The following KLHL32 variants were observed in gnomAD, a reference collection of about 807,000 sequenced individuals.
KLHL32 encodes kelch-like protein 32.
In KLHL32, 35 loss-of-function variants were observed where a neutral mutation model predicts 64.8. That is an observed-to-expected ratio of 0.54 (90% confidence interval 0.41 to 0.72). The LOEUF (loss-of-function observed/expected upper bound fraction) is 0.72, where lower values mean the gene tolerates loss of function less well. KLHL32 is among the 30% of genes least tolerant of loss of function. The pLI, the probability that KLHL32 is intolerant of heterozygous loss-of-function variation, is 0.00. For missense variants in KLHL32, 589 were observed against 768.5 expected (o/e 0.77, Z 2.76); for synonymous variants, 259 against 281.0 (o/e 0.92, Z 0.78).
chr6:97,138,153 A>C (rs371338283), intron 10 of KLHL32, among the ~76,000 whole-genome samples: 24 of 152,260 alleles, frequency 1.6e-4, no homozygotes, highest in African/African-American at 4.3e-4. Context: ...GGGCGAGAGC[A>C]GCTCTCCTGA....
At chr6:97,036,271 G>A (rs1308585884) in intron 3 of KLHL32, among the ~76,000 whole-genome samples, 1 of 151,856 alleles carries the variant, frequency 6.6e-6, no homozygotes, top group African/African-American at 2.4e-5. Flanking sequence ...TTTTGTTTAT[G>A]TATTACTTTC....
At chr6:96,982,386 T>C (rs1776421548) in intron 3 of KLHL32, among the ~76,000 whole-genome samples, 1 of 152,182 alleles carries the variant, frequency 6.6e-6, no homozygotes, top group African/African-American at 2.4e-5. Flanking sequence ...CTTTTTTCCA[T>C]TTTCTGTTTG....
chr6:96,946,557 AT>A (rs1771942184), intron 1 of KLHL32, among the ~76,000 whole-genome samples: 1 of 152,148 alleles, frequency 6.6e-6, no homozygotes. Flanking sequence ...TGAGCTAGGA[AT>A]TATTGTAATT....
chr6:97,041,540 T>C lies in KLHL32; in HGVS notation c.253T>C (p.Leu85=). The C allele has an allele frequency of 6.2e-7, 1 of 1,613,984 alleles. No individual in the cohort carries two copies. Among genetic ancestry groups the C allele is most frequent in the Non-Finnish European group, 8.5e-7 (1 of 1,179,870 alleles). ...GGAAAGTGGAGCTGATGAGGTTAAT[T>C]TGCACGGTGTGACCAGCCTTGGCTT... ...MVESGADEVN[L]HGVTSLGLKQ... The change falls in exon 4 of 11, where the codon TTG becomes CTG. Residue 85 remains leucine (L), a synonymous_variant. Coordinates refer to ENST00000369261, the MANE Select transcript of KLHL32 (RefSeq NM_052904.4).
At chr6:97,132,339 T>G (rs1799524237) in intron 9 of KLHL32, among the ~76,000 whole-genome samples, 1 of 152,218 alleles carries the variant, frequency 6.6e-6, no homozygotes. Context: ...TTTCCACCAC[T>G]GTAAATTAAT....
At chr6:96,956,909 G>A (rs1194069606) in intron 1 of KLHL32, among the ~76,000 whole-genome samples, 1 of 152,054 alleles carries the variant, frequency 6.6e-6, no homozygotes, top group East Asian at 1.9e-4. Context: ...AGCACATTAA[G>A]GTATATAGTG....
At chr6:97,016,272 C>A (rs750128383) in intron 3 of KLHL32, among the ~76,000 whole-genome samples, 3 of 152,248 alleles carry the variant, frequency 2.0e-5, no homozygotes, top group Non-Finnish European at 4.4e-5. Context: ...ACATTCAATG[C>A]AAGCCCATGA....
rs2294763 is a variant in KLHL32 at position 97,064,701 on chromosome 6, A to G, written c.386A>G (p.Asn129Ser). The G allele has an allele frequency of 0.031, 49,951 of 1,613,698 alleles. 1,175 individuals carry two copies. Among genetic ancestry groups the G allele is most frequent in the African/African-American group, 0.11 (8,387 of 74,990 alleles). ...CACCTACAGCTGTTGGAGCTTCTCAATTTATGCTCCCACTATCTCATCCAG... is the reference window on the plus strand; with the variant it reads ...CACCTACAGCTGTTGGAGCTTCTCAGTTTATGCTCCCACTATCTCATCCAG... The part of the protein sequence containing the change: ...GSHLQLLELL[N>S]LCSHYLIQEL... Residue 129 changes from asparagine to serine, a missense_variant, in exon 5 of 11, where the codon AAT becomes AGT. Around this residue, in one of 3 missense-constraint regions of KLHL32, gnomAD observed 191 missense variants for 223.3 expected, o/e 0.86. Coordinates refer to ENST00000369261, the MANE Select transcript of KLHL32 (RefSeq NM_052904.4).
At chr6:97,003,865 C>T (rs960680161) in intron 3 of KLHL32, among the ~76,000 whole-genome samples, 1 of 152,090 alleles carries the variant, frequency 6.6e-6, no homozygotes, top group Non-Finnish European at 1.5e-5. Context: ...GCTTTTGTAC[C>T]AATATCATGC....
At chr6:96,984,617 T>C (rs1431641329) in intron 3 of KLHL32, among the ~76,000 whole-genome samples, 1 of 152,234 alleles carries the variant, frequency 6.6e-6, no homozygotes, top group Non-Finnish European at 1.5e-5. Flanking sequence ...ATTGATCCCT[T>C]TACCATTAAG....
intron 2 of KLHL32, among the ~76,000 whole-genome samples, chr6:96,968,271 G>A (rs577037105): frequency 4.6e-5 from 7 of 152,214 alleles, no homozygotes; most frequent in African/African-American, 1.4e-4. Context: ...TGGATGTCAC[G>A]GGGATTGTGG....
At chr6:97,046,518 A>G (rs927660784) in intron 4 of KLHL32, among the ~76,000 whole-genome samples, 4 of 152,200 alleles carry the variant, frequency 2.6e-5, no homozygotes, top group Admixed American at 6.5e-5. Context: ...AAGTCAGTCC[A>G]TGAGGGCTTA....
In KLHL32 at chr6:97,085,310, T is replaced by C; in HGVS notation, c.596T>C (p.Leu199Pro). Residue 199 changes from leucine to proline, a missense_variant, in exon 6 of 11, where the codon CTG becomes CCG. Around this residue, in one of 3 missense-constraint regions of KLHL32, gnomAD observed 226 missense variants for 353.2 expected, o/e 0.64. Transcript: ENST00000369261. ...CAGGAGGTGCTGAAGAGCGACCGCC[T>C]GACCTCCCTGAGTGAAGAGCAGATC... is the stretch of plus-strand genomic sequence containing the variant. Reference protein sequence around the residue: ...LLQEVLKSDRLTSLSEEQIWQ... With the variant: ...LLQEVLKSDRPTSLSEEQIWQ... 1 of 1,612,952 alleles carries C rather than the reference T, an allele frequency of 6.2e-7. No individual in the cohort carries two copies. Among genetic ancestry groups the C allele is most frequent in the South Asian group, 1.1e-5 (1 of 91,020 alleles).
chr6:96,903,130 CAGTT>C, the KLHL32 span, among the ~76,000 whole-genome samples: 1 of 151,078 alleles, frequency 6.6e-6, no homozygotes, highest in Non-Finnish European at 1.5e-5. Context: ...CAAAAAAAAA[CAGTT>C]GGTTCCTTGA....
intron 5 of KLHL32, among the ~76,000 whole-genome samples, chr6:97,083,897 G>T (rs1792982971): frequency 6.6e-6 from 1 of 152,126 alleles, no homozygotes; most frequent in Non-Finnish European, 1.5e-5. Context: ...TGCTTATTTT[G>T]CTTACACATG....
chr6:97,092,069 A>C (rs549026153), intron 6 of KLHL32, among the ~76,000 whole-genome samples: 2 of 151,204 alleles, frequency 1.3e-5, no homozygotes, highest in East Asian at 3.9e-4. Context: ...AGCTCACCGC[A>C]ACCTCCGCCT....
rs532117233 is a variant in KLHL32, at chr6:96,939,731, A to T, written c.-66+14705A>T. 8.5e-5 allele frequency among the ~76,000 whole-genome samples: 13 copies of T among 152,232 alleles called. No individual in the cohort carries two copies. In the East Asian group the frequency reaches 2.5e-3, roughly 29 times the overall value. ...AAGGACTGCACACAGGCCTATAAAG[A>T]TAGGTATCTTTATCAGAAATGCCGA... On this transcript the variant is annotated intron_variant, in intron 1 of 10. Transcript: ENST00000369261.
chr6:97,089,531 C>T (rs1793910341), intron 6 of KLHL32, among the ~76,000 whole-genome samples: 1 of 152,040 alleles, frequency 6.6e-6, no homozygotes, highest in Non-Finnish European at 1.5e-5. Context: ...GTAATCCCAA[C>T]AGTTTGGGAG....
chr6:97,130,932 A>G lies in KLHL32; in HGVS notation c.1589A>G (p.Asn530Ser). The change falls in exon 9 of 11, where the codon AAT becomes AGT. Residue 530 changes from asparagine to serine, a missense_variant. Transcript: ENST00000369261. The stretch of plus-strand genomic sequence containing the variant: ...GACACTGACCAGTGGACACGTTGTA[A>G]TTTCAACCTGCTGACTGGCAAGTAC... The part of the protein sequence containing the change: ...NIDTDQWTRC[N>S]FNLLTGQNES... 6.2e-7 allele frequency: 1 copy of G among 1,611,718 alleles called. No individual in the cohort carries two copies. The highest frequency in any genetic ancestry group is 8.5e-7 in the Non-Finnish European group (1 of 1,178,954).
Sources: gnomAD v4.1 joint callset for allele counts (sites outside exome capture counted in the v4.1 genomes callset) on GRCh38, gnomAD v4.1.1 for gene constraint, gnomAD v4.1.1 regional missense constraint, MANE v1.5 for transcripts, NCBI Gene and HGNC (gene_info 2026-07-23, HGNC 2026-07-21) for gene names.